WIF1: variants seen among roughly 807,000 people sequenced by gnomAD.
WIF1 encodes Wnt inhibitory factor 1.
In WIF1, 35 loss-of-function variants were observed where a neutral mutation model predicts 53.5. The observed-to-expected ratio is 0.65, with a 90% CI of 0.50 to 0.87. The LOEUF is 0.87. Ranked by LOEUF, WIF1 falls within the 40% of genes least tolerant of loss-of-function variation. WIF1 has a pLI of 0.00. For synonymous variants in WIF1, 171 were observed against 170.4 expected, an observed-to-expected ratio of 1.00 and a Z score of -0.03; for missense variants, 467 against 476.8, an observed-to-expected ratio of 0.98 and a Z score of 0.19.
In WIF1 at chr12:65,121,140, G is replaced by A. The variant is rs1224711014; in HGVS notation, c.52C>T (p.Leu18Phe). ...GCCCGCAGTGCCAGCAGGCACAGGA[G>A]GATGCTCCAGAGCCAGAGCGCGGCG... Reference protein sequence around the residue: ...PAAALWLWSILLCLLALRAEA... With the variant: ...PAAALWLWSIFLCLLALRAEA... The change falls in exon 1 of 10, where the codon CTC (leucine) becomes TTC (phenylalanine). Residue 18 changes from leucine (L) to phenylalanine (F), a missense_variant. Leu to Phe is a conservative substitution (Grantham distance 22). Coordinates refer to ENST00000286574, the MANE Select transcript of WIF1 (RefSeq NM_007191.5). 2.6e-6 allele frequency: 4 copies of A among 1,550,504 alleles called. No homozygotes were observed. Among genetic ancestry groups the A allele is most frequent in the Non-Finnish European group, 2.6e-6 (3 of 1,146,828 alleles).
chr12:65,117,112 T>G (rs1883524606), intron 2 of WIF1, among the ~76,000 whole-genome samples: 1 of 152,114 alleles, frequency 6.6e-6, no homozygotes, highest in Non-Finnish European at 1.5e-5. Context: ...CCACTATTGC[T>G]GGACCCTAAG....
intron 7 of WIF1, among the ~76,000 whole-genome samples, chr12:65,060,313 A>G (rs905466125): frequency 1.3e-5 from 2 of 152,234 alleles, no homozygotes; most frequent in African/African-American, 2.4e-5. Context: ...ACAGCTGATA[A>G]ATAAACAAAA....
rs112056918 is a variant in WIF1, at chr12:65,094,755, C to T, written c.289-16901G>A. Among the ~76,000 whole-genome samples the T allele has an allele frequency of 1.4e-4, 22 of 151,992 alleles. 1 individual carries two copies. The highest frequency in any genetic ancestry group is 5.1e-4 in the African/African-American group (21 of 41,488). ...AAATGCAATAAATAAAGAGGGCACACATCAAAGGAGTTATTTTTGTGTCTT... is the reference window on the plus strand; with the variant it reads ...AAATGCAATAAATAAAGAGGGCACATATCAAAGGAGTTATTTTTGTGTCTT... On this transcript the variant is annotated intron_variant, in intron 2 of 9. Coordinates refer to ENST00000286574, the MANE Select transcript of WIF1 (RefSeq NM_007191.5).
chr12:65,119,668 T>G (rs1326411115), intron 2 of WIF1, among the ~76,000 whole-genome samples: 1 of 152,200 alleles, frequency 6.6e-6, no homozygotes, highest in Non-Finnish European at 1.5e-5. Context: ...TTACCATTTG[T>G]CCTCTAGAGT....
intron 2 of WIF1, among the ~76,000 whole-genome samples, chr12:65,094,901 CTTATTTATTTATTTAT>C (rs71096024): frequency 0.15 from 20,253 of 134,184 alleles, 1,622 homozygotes; most frequent in Admixed American, 0.22. Flanking sequence ...TCCTCTTCTT[CTTATTTATTTATTTAT>C]TTATTTATTT....
intron 2 of WIF1, among the ~76,000 whole-genome samples, chr12:65,108,012 T>A (rs1177059869): frequency 6.6e-6 from 1 of 152,232 alleles, no homozygotes; most frequent in Non-Finnish European, 1.5e-5. Flanking sequence ...AGTGTGACAG[T>A]CTCAGAGTAT....
At chr12:65,051,928 T>C (rs1023479188) in intron 9 of WIF1, among the ~76,000 whole-genome samples, 1 of 152,242 alleles carries the variant, frequency 6.6e-6, no homozygotes, top group Non-Finnish European at 1.5e-5. Flanking sequence ...ACTATTGCAC[T>C]TATAAGACAG....
intron 2 of WIF1, among the ~76,000 whole-genome samples, chr12:65,105,392 G>A (rs1253171078): frequency 6.6e-6 from 1 of 152,196 alleles, no homozygotes; most frequent in Non-Finnish European, 1.5e-5. Context: ...ATTAAGCCAT[G>A]CTGCCTGTCT....
At chr12:65,092,397 G>A (rs1031198451) in intron 2 of WIF1, among the ~76,000 whole-genome samples, 13 of 150,764 alleles carry the variant, frequency 8.6e-5, no homozygotes, top group African/African-American at 2.9e-4. Flanking sequence ...AAGCCTGCAA[G>A]TTCTCCACAT....
rs1045342229 is a variant in WIF1 at position 65,077,829 on chromosome 12, G to A, written c.314C>T (p.Ser105Phe). The change falls in exon 3 of 10, where the codon TCC becomes TTC. Residue 105 changes from serine to phenylalanine, a missense_variant. Ser to Phe is a radical substitution (Grantham distance 155, BLOSUM62 -2). Transcript: ENST00000286574. Reference sequence around the variant, plus strand: ...GATGCCTTTATCCAGGGAGCGCAAGGACAGGAATTCATAGAAGTATTCTGC... The same window carrying A: ...GATGCCTTTATCCAGGGAGCGCAAGAACAGGAATTCATAGAAGTATTCTGC... ...GQAEYFYEFL[S>F]LRSLDKGIMA... 3.1e-6 allele frequency: 5 copies of A among 1,613,584 alleles called. No individual in the cohort carries two copies. Among genetic ancestry groups the A allele is most frequent in the Non-Finnish European group, 2.5e-6 (3 of 1,179,790 alleles).
At chr12:65,067,342 C>CAT (rs778036126) in intron 5 of WIF1, among the ~76,000 whole-genome samples, 11 of 152,008 alleles carry the variant, frequency 7.2e-5, no homozygotes. Context: ...TTTGCCTTAT[C>CAT]ATAACTTCAT....
chr12:65,117,813 C>A (rs527576002), intron 2 of WIF1, among the ~76,000 whole-genome samples: 6 of 152,262 alleles, frequency 3.9e-5, no homozygotes, highest in African/African-American at 1.4e-4. Context: ...GTTCACACTC[C>A]TATGAGAATC....
chr12:65,088,037 C>T (rs1883066118), intron 2 of WIF1, among the ~76,000 whole-genome samples: 1 of 152,152 alleles, frequency 6.6e-6, no homozygotes, highest in Admixed American at 6.6e-5. Flanking sequence ...GTTACTCATA[C>T]ATGCATTATT....
intron 2 of WIF1, among the ~76,000 whole-genome samples, chr12:65,092,267 A>G (rs1037517368): frequency 2.0e-5 from 3 of 150,864 alleles, no homozygotes; most frequent in African/African-American, 7.3e-5. Flanking sequence ...GGGGAACATC[A>G]CACACCGGGG....
chr12:65,099,122 C>T (rs1883244457), intron 2 of WIF1, among the ~76,000 whole-genome samples: 1 of 152,188 alleles, frequency 6.6e-6, no homozygotes, highest in African/African-American at 2.4e-5. Context: ...CATAATTGTT[C>T]TGTGCTCTTA....
chr12:65,051,876 A>G (rs922650714), intron 9 of WIF1, among the ~76,000 whole-genome samples: 4 of 152,234 alleles, frequency 2.6e-5, no homozygotes, highest in African/African-American at 9.6e-5. Flanking sequence ...CCAGTTCAAT[A>G]TGACAACCCG....
chr12:65,070,452 C>T (rs1882756162), intron 3 of WIF1, among the ~76,000 whole-genome samples: 1 of 152,110 alleles, frequency 6.6e-6, no homozygotes, highest in Admixed American at 6.6e-5. Flanking sequence ...ATGGAGATTT[C>T]TATTTCAGAA....
rs534994882 is a variant in WIF1, at chr12:65,106,455, C to G, written c.288+13962G>C. ...GAGTGCAGTGATGTGCCTCGGCCCC[C>G]CAGTTTCAAGTGATTATCCTGCCTC... is the stretch of plus-strand genomic sequence containing the variant. On this transcript the variant is annotated intron_variant, in intron 2 of 9. Coordinates refer to ENST00000286574, the MANE Select transcript of WIF1 (RefSeq NM_007191.5). Among the ~76,000 whole-genome samples, 3 of 151,722 alleles carry G rather than the reference C, an allele frequency of 2.0e-5. No individual in the cohort carries two copies. In the East Asian group the frequency reaches 5.8e-4, roughly 29 times the overall value.
intron 2 of WIF1, among the ~76,000 whole-genome samples, chr12:65,086,249 G>C (rs1883036104): frequency 6.6e-6 from 1 of 152,068 alleles, no homozygotes; most frequent in African/African-American, 2.4e-5. Context: ...TAATGGAAAG[G>C]GTGGTGTAGG....
Sources: gnomAD v4.1 joint callset for allele counts (sites outside exome capture counted in the v4.1 genomes callset) on GRCh38, gnomAD v4.1.1 for gene constraint, MANE v1.5 for transcripts, NCBI Gene and HGNC (gene_info 2026-07-23, HGNC 2026-07-21) for gene names.